The following AJAP1 variants were observed in gnomAD, a reference collection of about 807,000 sequenced individuals.
The protein encoded by AJAP1 is adherens junctions associated protein 1.
AJAP1 carries 5 observed loss-of-function variants against 35.0 expected under a neutral mutation model. The ratio of observed to expected loss-of-function variants is 0.14; its 90% CI spans 0.07 to 0.30. The LOEUF is 0.30. AJAP1 is among the 10% of genes least tolerant of loss of function. AJAP1 has a pLI of 1.00. For synonymous variants in AJAP1, 284 were observed against 249.3 expected (o/e 1.14, Z -1.31); for missense variants, 586 against 571.0 (o/e 1.03, Z -0.27).
At chr1:4,694,554 C>T (rs1293561679) in intron 1 of AJAP1, among the ~76,000 whole-genome samples, 2 of 152,244 alleles carry the variant, frequency 1.3e-5, no homozygotes, top group Non-Finnish European at 1.5e-5. Context: ...TCCAGGCCCA[C>T]AGCAGATGGA....
In AJAP1 at chr1:4,712,521, C is replaced by T. The variant is rs139354230; in HGVS notation, c.651C>T (p.Ala217=). The change falls in exon 2 of 6, where the codon GCC becomes GCT. Residue 217 remains alanine (A), a synonymous_variant. Transcript: ENST00000378191. ...SILQTRKTTV[A]ATTTTTTTAT... ...TACAAACACGGAAGACAACTGTGGC[C>T]GCCACCACCACCACCACCACCACGG... The T allele has an allele frequency of 5.3e-5, 85 of 1,612,422 alleles. No individual in the cohort carries two copies. Among genetic ancestry groups the T allele is most frequent in the Non-Finnish European group, 7.0e-5 (83 of 1,179,496 alleles).
intron 1 of AJAP1, among the ~76,000 whole-genome samples, chr1:4,684,104 C>T (rs920806733): frequency 7.9e-5 from 12 of 152,288 alleles, no homozygotes; most frequent in African/African-American, 2.4e-4. Flanking sequence ...CATCTGGGCT[C>T]ACCTCAATGG....
rs535818745 is a variant in AJAP1 at position 4,656,684 on chromosome 1, A to C, written c.29+1230A>C. On this transcript the variant is annotated intron_variant, in intron 1 of 5. Coordinates refer to ENST00000378191, the MANE Select transcript of AJAP1 (RefSeq NM_018836.4). The surrounding 1 kb of genome is among the most constrained non-coding windows in gnomAD (Gnocchi z 5.7). ...GAGCCGATTCTGCTCCCAGAGGTGA[A>C]TACTGTGTAACACATCTAGTGAACA... 6.6e-6 allele frequency among the ~76,000 whole-genome samples: 1 copy of C among 152,018 alleles called. No homozygotes were observed.
chr1:4,698,230 G>A (rs1384229830), intron 1 of AJAP1, among the ~76,000 whole-genome samples: 5 of 152,112 alleles, frequency 3.3e-5, no homozygotes, highest in African/African-American at 1.2e-4. Context: ...TAGATGGGCC[G>A]CTAAGGGGCC....
At chr1:4,773,246 T>C (rs10915597) in intron 4 of AJAP1, among the ~76,000 whole-genome samples, 43,839 of 152,026 alleles carry the variant, frequency 0.29, 6,828 homozygotes, top group Admixed American at 0.36. Flanking sequence ...AGCAATAGAA[T>C]TAGCAGCCAG....
chr1:4,705,402 T>C (rs1297506226), intron 1 of AJAP1, among the ~76,000 whole-genome samples: 80 of 103,572 alleles, frequency 7.7e-4, no homozygotes, highest in African/African-American at 3.0e-3. Context: ...GAGCTTTTTT[T>C]TTTTTTTTTT....
chr1:4,657,559 C>T (rs1295556911), intron 1 of AJAP1, among the ~76,000 whole-genome samples: 3 of 152,190 alleles, frequency 2.0e-5, no homozygotes, highest in Admixed American at 2.0e-4. Context: ...CCTTTGCTTG[C>T]AAGCCACTCC....
chr1:4,687,429 C>T (rs1033165579), intron 1 of AJAP1, among the ~76,000 whole-genome samples: 2 of 152,284 alleles, frequency 1.3e-5, no homozygotes, highest in Admixed American at 1.3e-4. Flanking sequence ...AGGTCATGCT[C>T]AGCGTGAGGT....
intron 2 of AJAP1, among the ~76,000 whole-genome samples, chr1:4,733,099 A>G (rs1409287471): frequency 6.6e-6 from 1 of 152,110 alleles, no homozygotes; most frequent in East Asian, 1.9e-4. Flanking sequence ...ATTTTGTGGG[A>G]TTTCCTGCCC....
intron 2 of AJAP1, among the ~76,000 whole-genome samples, chr1:4,717,314 C>T (rs185546897): frequency 6.6e-5 from 10 of 152,168 alleles, no homozygotes; most frequent in Admixed American, 5.2e-4. Flanking sequence ...GTTCTTAGGC[C>T]GTGCATGCTG....
rs1642078104 is a variant in AJAP1, at chr1:4,782,234, C to T, written c.*60-311C>T. 2.0e-5 allele frequency among the ~76,000 whole-genome samples: 3 copies of T among 152,156 alleles called. No homozygotes were observed. The highest frequency in any genetic ancestry group is 4.2e-4 in the South Asian group (2 of 4,818). On this transcript the variant is annotated intron_variant, in intron 5 of 5. Coordinates refer to ENST00000378191, the MANE Select transcript of AJAP1 (RefSeq NM_018836.4). The surrounding 1 kb of genome is among the most constrained non-coding windows in gnomAD (Gnocchi z 5.3). ...CCCCGGCACCCCCACCATGAGTTAG[C>T]GGAGGGGGTGGTCCCAGCCCCTGGT... is the stretch of plus-strand genomic sequence containing the variant.
intron 5 of AJAP1, among the ~76,000 whole-genome samples, chr1:4,776,026 T>A (rs1309134717): frequency 6.6e-6 from 1 of 152,184 alleles, no homozygotes; most frequent in Non-Finnish European, 1.5e-5. Context: ...ATTTTTAAAA[T>A]TTGTTAATGC....
In AJAP1 at chr1:4,771,939, G is replaced by C. The variant is rs975906037; in HGVS notation, c.918-341G>C. On this transcript the variant is annotated intron_variant, in intron 3 of 5. Transcript: ENST00000378191. ...GACCCACCACAGCTTTTATCCCGTC[G>C]AGGCGTTCGTGGGGAAACTGAGTCA... 3.9e-5 allele frequency among the ~76,000 whole-genome samples: 6 copies of C among 152,222 alleles called. 1 individual carries two copies. The South Asian group carries it at 1.2e-3, about 32-fold the overall frequency.
At position 4,785,502 on chromosome 1, in the gene AJAP1, G is replaced by C. The variant is rs1317783884; in HGVS notation, c.*3017G>C. On this transcript the variant is annotated 3_prime_UTR_variant, in exon 6 of 6. Transcript: ENST00000378191. ...AGGAGATAATGAGTGAAAGTGACTG[G>C]GCCTCGGAAATGCAGCCCCACCCAC... is the stretch of plus-strand genomic sequence containing the variant. The C allele has an allele frequency of 6.6e-6, 1 of 152,142 alleles. No individual in the cohort carries two copies. The highest frequency in any genetic ancestry group is 1.5e-5 in the Non-Finnish European group (1 of 68,028). The allele number at this position is 152,142 out of a possible 1,614,324, so 9.4% of individuals were successfully genotyped here.
At chr1:4,751,589 T>C (rs1285544184) in intron 2 of AJAP1, among the ~76,000 whole-genome samples, 1 of 152,248 alleles carries the variant, frequency 6.6e-6, no homozygotes, top group Admixed American at 6.5e-5. Context: ...TGCCTCTGCC[T>C]GGAGCCCACG....
rs940609704 is a variant in AJAP1 at position 4,772,094 on chromosome 1, TTAA to T, written c.918-185_918-183del. On this transcript the variant is annotated intron_variant, in intron 3 of 5. Transcript: ENST00000378191. ...AAAATTCAAATTTCATTTTTTTTTTTTAAAAAAAAAGAGTTGATTGCTTGATTG... is the reference window on the plus strand; with the variant it reads ...AAAATTCAAATTTCATTTTTTTTTTTAAAAAAAGAGTTGATTGCTTGATTG... 2.8e-4 allele frequency among the ~76,000 whole-genome samples: 11 copies of T among 39,748 alleles called. No homozygotes were observed. The South Asian group carries it at 5.6e-3, about 20-fold the overall frequency. The allele number at this position is 39,748 out of a possible 152,430, so 26.1% of individuals were successfully genotyped here.
At chr1:4,738,099 A>G (rs959941204) in intron 2 of AJAP1, among the ~76,000 whole-genome samples, 2 of 152,178 alleles carry the variant, frequency 1.3e-5, no homozygotes, top group African/African-American at 4.8e-5. Flanking sequence ...ACTCATTCCA[A>G]ATGTTACACT....
intron 1 of AJAP1, among the ~76,000 whole-genome samples, chr1:4,687,114 C>T (rs1257247234): frequency 2.6e-5 from 4 of 152,092 alleles, no homozygotes; most frequent in Non-Finnish European, 5.9e-5. Context: ...GCCTTTTCCT[C>T]GCTCTTTCCT....
chr1:4,760,622 T>C (rs926924837), intron 2 of AJAP1, among the ~76,000 whole-genome samples: 21 of 152,122 alleles, frequency 1.4e-4, no homozygotes, highest in Non-Finnish European at 2.8e-4. Flanking sequence ...TCCCCTCCCA[T>C]CTGTTGGGCC....
Sources: gnomAD v4.1 joint callset for allele counts (sites outside exome capture counted in the v4.1 genomes callset) on GRCh38, gnomAD v4.1.1 for gene constraint, Gnocchi (gnomAD v3.1) non-coding constraint, MANE v1.5 for transcripts, NCBI Gene and HGNC (gene_info 2026-07-23, HGNC 2026-07-21) for gene names.